CNTNAP2: variants seen among roughly 807,000 people sequenced by gnomAD.
CNTNAP2 encodes contactin-associated protein-like 2.
A neutral mutation model predicts 155.2 loss-of-function variants in CNTNAP2; 98 were observed. That is an observed-to-expected ratio of 0.63 (90% CI 0.54 to 0.75). The LOEUF is 0.75. Ranked by LOEUF, CNTNAP2 falls within the 30% of genes least tolerant of loss-of-function variation. The pLI, the probability that CNTNAP2 is intolerant of heterozygous loss-of-function variation, is 0.00. For synonymous variants in CNTNAP2, 651 were observed against 631.2 expected, an observed-to-expected ratio of 1.03 and a Z score of -0.47; for missense variants, 1,727 against 1,688.1, an observed-to-expected ratio of 1.02 and a Z score of -0.40.
intron 1 of CNTNAP2, among the ~76,000 whole-genome samples, chr7:146,122,178 G>C (rs539545037): frequency 4.0e-4 from 61 of 152,318 alleles, no homozygotes; most frequent in African/African-American, 1.3e-3. Flanking sequence ...GATGTGCTTA[G>C]CTCAGCCCCT....
chr7:148,024,535 G>A (rs759100804), intron 15 of CNTNAP2, among the ~76,000 whole-genome samples: 6 of 152,130 alleles, frequency 3.9e-5, no homozygotes, highest in African/African-American at 1.4e-4. Flanking sequence ...ACCCAGCTTT[G>A]TTCCTCACAT....
At chr7:148,005,091 C>G (rs1298555758) in intron 15 of CNTNAP2, among the ~76,000 whole-genome samples, 1 of 152,142 alleles carries the variant, frequency 6.6e-6, no homozygotes, top group African/African-American at 2.4e-5. Flanking sequence ...ATACCATAGA[C>G]TGGGTGGCTT....
At chr7:146,776,227 C>T (rs887637802) in intron 2 of CNTNAP2, among the ~76,000 whole-genome samples, 7 of 151,954 alleles carry the variant, frequency 4.6e-5, no homozygotes, top group African/African-American at 1.2e-4. Flanking sequence ...TGTACTGTTC[C>T]CTAAAAGAAG....
At chr7:146,867,781 C>CGT (rs57015319) in intron 3 of CNTNAP2, among the ~76,000 whole-genome samples, 135,080 of 150,782 alleles carry the variant, frequency 0.9, 61,349 homozygotes, top group East Asian at 0.99. Flanking sequence ...GTGATAGTGA[C>CGT]TTTTTTTTTT....
intron 11 of CNTNAP2, among the ~76,000 whole-genome samples, chr7:147,559,356 A>G (rs1800015680): frequency 6.6e-6 from 1 of 152,234 alleles, no homozygotes; most frequent in Non-Finnish European, 1.5e-5. Flanking sequence ...ACCTGTTAGG[A>G]TAACCCAAGT....
At chr7:147,262,379 G>A (rs909452132) in intron 8 of CNTNAP2, among the ~76,000 whole-genome samples, 3 of 152,160 alleles carry the variant, frequency 2.0e-5, no homozygotes, top group Non-Finnish European at 4.4e-5. Flanking sequence ...GAATGTGACT[G>A]TATTTGGAGA....
At chr7:147,712,404 C>A (rs1385778685) in intron 13 of CNTNAP2, among the ~76,000 whole-genome samples, 4 of 152,060 alleles carry the variant, frequency 2.6e-5, no homozygotes, top group African/African-American at 4.8e-5. Context: ...GGACATATAC[C>A]GAAAGGATTA....
At chr7:146,237,706 G>C (rs1563002257) in intron 1 of CNTNAP2, among the ~76,000 whole-genome samples, 1 of 151,924 alleles carries the variant, frequency 6.6e-6, no homozygotes, top group Non-Finnish European at 1.5e-5. Context: ...GGACAATCAG[G>C]GCCATAAATT....
chr7:146,194,059 C>T (rs184964844), intron 1 of CNTNAP2, among the ~76,000 whole-genome samples: 11 of 152,298 alleles, frequency 7.2e-5, no homozygotes, highest in South Asian at 4.1e-4. Flanking sequence ...TATCACTATC[C>T]GCATTTTGGT....
chr7:146,549,697 A>C (rs563634430), intron 1 of CNTNAP2, among the ~76,000 whole-genome samples: 37 of 152,238 alleles, frequency 2.4e-4, no homozygotes, highest in Middle Eastern at 3.4e-3. Context: ...GATTCAAACA[A>C]ATGTTATTAA....
chr7:146,873,008 A>G (rs1242973561), intron 3 of CNTNAP2, among the ~76,000 whole-genome samples: 1 of 152,172 alleles, frequency 6.6e-6, no homozygotes, highest in Non-Finnish European at 1.5e-5. Flanking sequence ...ATTTTACTGC[A>G]TGAGAAATTG....
intron 13 of CNTNAP2, among the ~76,000 whole-genome samples, chr7:147,733,929 G>A (rs1257129547): frequency 6.6e-6 from 1 of 152,158 alleles, no homozygotes; most frequent in Non-Finnish European, 1.5e-5. Context: ...AGACGATGGG[G>A]TTTTCTAGAT....
At chr7:147,834,506 C>T (rs1798603947) in intron 13 of CNTNAP2, among the ~76,000 whole-genome samples, 1 of 152,100 alleles carries the variant, frequency 6.6e-6, no homozygotes, top group Admixed American at 6.6e-5. Context: ...TCTTTCTTCT[C>T]CTTTTATATC....
At chr7:147,808,133 T>A (rs1359542432) in intron 13 of CNTNAP2, among the ~76,000 whole-genome samples, 1 of 152,144 alleles carries the variant, frequency 6.6e-6, no homozygotes, top group Non-Finnish European at 1.5e-5. Flanking sequence ...ATATACTATA[T>A]ATATGAAGTC....
chr7:147,743,481 T>G (rs1333299078), intron 13 of CNTNAP2, among the ~76,000 whole-genome samples: 1 of 152,064 alleles, frequency 6.6e-6, no homozygotes, highest in African/African-American at 2.4e-5. Flanking sequence ...ACAGACTCAT[T>G]CCTTATCTTC....
At chr7:146,265,149 G>A (rs982243146) in intron 1 of CNTNAP2, among the ~76,000 whole-genome samples, 1 of 152,006 alleles carries the variant, frequency 6.6e-6, no homozygotes, top group Admixed American at 6.6e-5. Flanking sequence ...TATAACGCTC[G>A]TATTACATAT....
intron 21 of CNTNAP2, among the ~76,000 whole-genome samples, chr7:148,347,255 TC>T (rs1414491434): frequency 1.4e-5 from 2 of 142,802 alleles, no homozygotes; most frequent in Non-Finnish European, 3.0e-5. Flanking sequence ...AGACTCCGTC[TC>T]AAAAAAAAAA....
chr7:146,758,570 A>G (rs1204983522), intron 1 of CNTNAP2, among the ~76,000 whole-genome samples: 1 of 152,182 alleles, frequency 6.6e-6, no homozygotes, highest in South Asian at 2.1e-4. Flanking sequence ...TCATGGCAGA[A>G]GGTGAAAGGC....
chr7:147,764,252 G>T (rs1797351543), intron 13 of CNTNAP2, among the ~76,000 whole-genome samples: 3 of 152,070 alleles, frequency 2.0e-5, no homozygotes, highest in African/African-American at 7.2e-5. Context: ...CCTCCATCTA[G>T]GAGGGTCAAC....
Sources: allele counts gnomAD v4.1 joint callset (sites outside exome capture counted in the v4.1 genomes callset), GRCh38; gene constraint gnomAD v4.1.1; transcripts MANE v1.5; gene names NCBI Gene and HGNC (gene_info 2026-07-23, HGNC 2026-07-21).